Variants in SLC23A2 observed in about 807,000 individuals in gnomAD.
SLC23A2 encodes solute carrier family 23 member 2.
A neutral mutation model predicts 73.3 loss-of-function variants in SLC23A2; 36 were observed. The ratio of observed to expected loss-of-function variants is 0.49; its 90% CI spans 0.38 to 0.65. The LOEUF is 0.65. SLC23A2 is among the 30% of genes least tolerant of loss of function. The pLI is 0.00. For missense variants in SLC23A2, 507 were observed against 841.6 expected (o/e 0.60, Z 4.92); for synonymous variants, 343 against 327.3 (o/e 1.05, Z -0.52).
At chr20:4,934,633 G>A (rs542994974) in intron 2 of SLC23A2, among the ~76,000 whole-genome samples, 2 of 152,204 alleles carry the variant, frequency 1.3e-5, no homozygotes, top group African/African-American at 4.8e-5. Flanking sequence ...AGGCTGAGGT[G>A]GGTGGATCAC....
Position 4,899,456 on chromosome 20 carries a change from T to A in SLC23A2, c.482+99A>T. 3 of 1,409,278 alleles carry A rather than the reference T, an allele frequency of 2.1e-6. No individual in the cohort carries two copies. Among genetic ancestry groups the A allele is most frequent in the East Asian group, 2.3e-5 (1 of 43,710 alleles). The allele number at this position is 1,409,278 out of a possible 1,614,324, so 87.3% of individuals were successfully genotyped here. On this transcript the variant is annotated intron_variant, in intron 6 of 16. Transcript: ENST00000338244. The surrounding 1 kb of genome is among the most constrained non-coding windows in gnomAD (Gnocchi z 4.9). ...AGGACATTCCCGTGCCTCCATTCTG[T>A]CCTTGCCAACAGCCCTAGGCAAACG... is the stretch of plus-strand genomic sequence containing the variant.
intron 4 of SLC23A2, among the ~76,000 whole-genome samples, chr20:4,905,866 G>C (rs1931931942): frequency 7.1e-6 from 1 of 140,544 alleles, no homozygotes; most frequent in Non-Finnish European, 1.6e-5. Context: ...CTGTGTTCCA[G>C]CAAAACTCTA....
chr20:4,894,532 G>A (rs908426721), intron 6 of SLC23A2, among the ~76,000 whole-genome samples: 1 of 152,220 alleles, frequency 6.6e-6, no homozygotes, highest in African/African-American at 2.4e-5. Flanking sequence ...CCCCCATGCT[G>A]TGGCATCTAC....
At chr20:4,867,991 C>G in intron 12 of SLC23A2, 116 bp from the exon 13 acceptor site, 4 of 581,518 alleles carry the variant, frequency 6.9e-6, no homozygotes, top group Non-Finnish European at 1.2e-5. Flanking sequence ...GCAGCTTCCA[C>G]ATCTCCTGGG....
intron 6 of SLC23A2, among the ~76,000 whole-genome samples, chr20:4,896,107 G>C (rs534576458): frequency 2.0e-5 from 3 of 152,294 alleles, no homozygotes; most frequent in African/African-American, 4.8e-5. Flanking sequence ...AGAGACGTGG[G>C]GGGGATGAGA....
At chr20:4,986,869 A>G (rs1399371398) in intron 1 of SLC23A2, among the ~76,000 whole-genome samples, 1 of 152,090 alleles carries the variant, frequency 6.6e-6, no homozygotes, top group Non-Finnish European at 1.5e-5. Context: ...CAATGGAACT[A>G]AACACCAGAA....
At chr20:4,884,706 G>A (rs774234660) in intron 8 of SLC23A2, 47 bp downstream of exon 8, 3 of 1,326,518 alleles carry the variant, frequency 2.3e-6, no homozygotes, top group Admixed American at 1.7e-5. Flanking sequence ...CATTGAAGCT[G>A]AGAAGAAACA....
At position 4,856,883 on chromosome 20, in the gene SLC23A2, T is replaced by C. The variant is rs1929731907; in HGVS notation, c.*89A>G. ...CTGGGGCGCAGAATGTAAATGTAGATATACAAACATGTATTTTACTTCTTG... is the reference window on the plus strand; with the variant it reads ...CTGGGGCGCAGAATGTAAATGTAGACATACAAACATGTATTTTACTTCTTG... On this transcript the variant is annotated 3_prime_UTR_variant, in exon 17 of 17. Transcript: ENST00000338244. This position sits in a 1 kb window ranked among gnomAD's most constrained non-coding sequence, Gnocchi z 4.6. 1 of 810,846 alleles carries C rather than the reference T, an allele frequency of 1.2e-6. No individual in the cohort carries two copies. The highest frequency in any genetic ancestry group is 2.4e-5 in the East Asian group (1 of 41,168). The allele number at this position is 810,846 out of a possible 1,614,324, so 50.2% of individuals were successfully genotyped here. A position where few individuals can be genotyped will look rare whatever the true frequency, so the allele number is the denominator to read the frequency against.
At chr20:4,871,127 G>A (rs530511465) in intron 11 of SLC23A2, among the ~76,000 whole-genome samples, 6 of 152,238 alleles carry the variant, frequency 3.9e-5, no homozygotes, top group South Asian at 2.1e-4. Context: ...CCCTTCTTCC[G>A]TTGAAGCATT....
Position 4,899,816 on chromosome 20 carries a change from C to A in SLC23A2, c.325-104G>T. Reference sequence around the variant, plus strand: ...CTTATTGTCGTTAAAAAATAGCCCACATAAAGAATCTCCTTGGTTTTTCGA... The same window carrying A: ...CTTATTGTCGTTAAAAAATAGCCCAAATAAAGAATCTCCTTGGTTTTTCGA... On this transcript the variant is annotated intron_variant, in intron 5 of 16. Coordinates refer to ENST00000338244, the MANE Select transcript of SLC23A2 (RefSeq NM_005116.6). This position sits in a 1 kb window ranked among gnomAD's most constrained non-coding sequence, Gnocchi z 4.9. 1 of 1,152,824 alleles carries A rather than the reference C, an allele frequency of 8.7e-7. No individual in the cohort carries two copies. The highest frequency in any genetic ancestry group is 1.2e-6 in the Non-Finnish European group (1 of 806,972). 71.4% of individuals were successfully genotyped at this position (1,152,824 alleles called of 1,614,324 possible). A position where few individuals can be genotyped will look rare whatever the true frequency, so the allele number is the denominator to read the frequency against.
At chr20:4,979,447 A>G (rs919203649) in intron 1 of SLC23A2, among the ~76,000 whole-genome samples, 3 of 151,988 alleles carry the variant, frequency 2.0e-5, no homozygotes, top group African/African-American at 7.2e-5. Context: ...GCTCATACCT[A>G]TAATCCCAAC....
At chr20:5,006,978 C>T (rs796292196) in intron 1 of SLC23A2, among the ~76,000 whole-genome samples, 3 of 113,112 alleles carry the variant, frequency 2.7e-5, no homozygotes, top group African/African-American at 3.0e-5. Context: ...TGTGTGTGTG[C>T]GTGCGTGCGT....
chr20:4,953,801 A>G (rs1236648186), intron 2 of SLC23A2, among the ~76,000 whole-genome samples: 1 of 152,174 alleles, frequency 6.6e-6, no homozygotes, highest in African/African-American at 2.4e-5. Context: ...AGACAGGAGA[A>G]TCACTTAAAC....
intron 6 of SLC23A2, among the ~76,000 whole-genome samples, chr20:4,890,373 C>T (rs1035697979): frequency 3.7e-4 from 56 of 152,140 alleles, no homozygotes; most frequent in Admixed American, 3.3e-4. Flanking sequence ...AAAAGCAAGG[C>T]CAGGCGTGGT....
At chr20:4,900,829 C>A (rs1271997887) in intron 5 of SLC23A2, among the ~76,000 whole-genome samples, 1 of 152,100 alleles carries the variant, frequency 6.6e-6, no homozygotes, top group Non-Finnish European at 1.5e-5. Context: ...TTGACCAGTT[C>A]TTATTTCTGT....
chr20:4,896,575 T>C (rs1410778383), intron 6 of SLC23A2, among the ~76,000 whole-genome samples: 1 of 152,134 alleles, frequency 6.6e-6, no homozygotes, highest in Non-Finnish European at 1.5e-5. Flanking sequence ...GTGCTGCTTC[T>C]CTTTCCAGCT....
chr20:4,874,069 G>A lies in SLC23A2; in HGVS notation c.969C>T (p.Ser323=). 1 of 1,613,900 alleles carries A rather than the reference G, an allele frequency of 6.2e-7. No homozygotes were observed. Among genetic ancestry groups the A allele is most frequent in the Admixed American group, 1.7e-5 (1 of 60,008 alleles). ...MFPIILAILV[S]WLLCFIFTVT... Reference sequence around the variant, plus strand: ...CCGTGAAGATGAAGCAGAGCAGCCAGGATACCAGGATGGCCAGGATGATCT... The same window carrying A: ...CCGTGAAGATGAAGCAGAGCAGCCAAGATACCAGGATGGCCAGGATGATCT... The change falls in exon 11 of 17, where the codon TCC becomes TCT. Residue 323 remains serine, a synonymous_variant. Coordinates refer to ENST00000338244, the MANE Select transcript of SLC23A2 (RefSeq NM_005116.6).
intron 2 of SLC23A2, among the ~76,000 whole-genome samples, chr20:4,961,858 T>C (rs2122185811): frequency 6.6e-6 from 1 of 152,334 alleles, no homozygotes; most frequent in South Asian, 2.1e-4. Context: ...AGTTCTCATA[T>C]AACCCTGATA....
intron 4 of SLC23A2, among the ~76,000 whole-genome samples, chr20:4,906,476 T>C (rs1413051446): frequency 6.6e-6 from 1 of 152,108 alleles, no homozygotes; most frequent in Non-Finnish European, 1.5e-5. Context: ...AAAAATTGGC[T>C]GGGTGTGGTG....
Sources: gnomAD v4.1 joint callset for allele counts (sites outside exome capture counted in the v4.1 genomes callset) on GRCh38, gnomAD v4.1.1 for gene constraint, Gnocchi (gnomAD v3.1) non-coding constraint, MANE v1.5 for transcripts, NCBI Gene and HGNC (gene_info 2026-07-23, HGNC 2026-07-21) for gene names.